Variants in PARK7 observed in about 807,000 individuals in gnomAD.
PARK7 encodes the protein Parkinson disease protein 7.
In PARK7, 14 loss-of-function variants were observed where a neutral mutation model predicts 20.5. The ratio of observed to expected loss-of-function variants is 0.68; its 90% CI spans 0.45 to 1.07. The LOEUF (loss-of-function observed/expected upper bound fraction) is 1.07, where lower values mean the gene tolerates loss of function less well. Ranked by LOEUF, PARK7 falls within the 50% of genes least tolerant of loss-of-function variation. PARK7 has a pLI of 0.00. For synonymous variants in PARK7, 98 were observed against 84.3 expected (o/e 1.16, Z -0.89); for missense variants, 234 against 238.1 (o/e 0.98, Z 0.11).
chr1:7,982,533 T>C (rs1640733953), intron 6 of PARK7, among the ~76,000 whole-genome samples: 2 of 152,146 alleles, frequency 1.3e-5, no homozygotes, highest in Admixed American at 1.3e-4. Flanking sequence ...TGGTTAAAAG[T>C]CTGACAAGAA....
intron 4 of PARK7, among the ~76,000 whole-genome samples, chr1:7,970,435 A>G (rs1035324823): frequency 6.6e-6 from 1 of 152,142 alleles, no homozygotes; most frequent in African/African-American, 2.4e-5. Context: ...ATTGTTCCTC[A>G]TTTTAAGTCG....
chr1:7,969,926 C>T (rs1308175403), intron 4 of PARK7, among the ~76,000 whole-genome samples: 10 of 152,160 alleles, frequency 6.6e-5, no homozygotes, highest in Admixed American at 6.5e-4. Flanking sequence ...TGCAGTGGCT[C>T]AACGTCTATA....
chr1:7,984,096 G>C lies in PARK7; in HGVS notation c.410-798G>C, dbSNP rs76704315. The stretch of plus-strand genomic sequence containing the variant: ...GTTGATGCTGAAACTGAAGGAGCAA[G>C]GAACTGGAAAGAGCTGGTCTCTGGG... On this transcript the variant is annotated intron_variant, in intron 6 of 6. Coordinates refer to ENST00000338639, the MANE Select transcript of PARK7 (RefSeq NM_007262.5). The surrounding 1 kb of genome is among the most constrained non-coding windows in gnomAD (Gnocchi z 4.3). Among the ~76,000 whole-genome samples the C allele has an allele frequency of 2.7e-3, 408 of 152,300 alleles. 3 individuals are homozygous for C. The highest frequency in any genetic ancestry group is 9.3e-3 in the African/African-American group (388 of 41,554).
intron 3 of PARK7, among the ~76,000 whole-genome samples, chr1:7,966,959 A>G (rs1201992982): frequency 1.3e-5 from 2 of 152,202 alleles, no homozygotes; most frequent in African/African-American, 4.8e-5. Flanking sequence ...TTGAAACTAT[A>G]TATGATTGTT....
chr1:7,962,725 A>G (rs1024784869), intron 1 of PARK7, 38 bp from the exon 2 acceptor site: 22 of 1,414,986 alleles, frequency 1.6e-5, no homozygotes, highest in East Asian at 9.4e-5. Context: ...GGTTGCAATG[A>G]AAGTTTTTTG....
chr1:7,981,667 T>G (rs1016965305), intron 6 of PARK7, among the ~76,000 whole-genome samples: 7 of 150,914 alleles, frequency 4.6e-5, no homozygotes, highest in African/African-American at 1.2e-4. Flanking sequence ...TTTGTTTTTT[T>G]TTTTTTTTTG....
chr1:7,969,151 T>G, intron 3 of PARK7, 194 bp from the exon 4 acceptor site: 1 of 560,850 alleles, frequency 1.8e-6, no homozygotes, highest in Non-Finnish European at 3.2e-6. Context: ...ACATACAGGT[T>G]TTCTGCATTT....
rs543255017 is a variant in PARK7 at position 7,964,300 on chromosome 1, G to T, written c.91-1024G>T. Among the ~76,000 whole-genome samples the T allele has an allele frequency of 8.5e-5, 13 of 152,242 alleles. No individual in the cohort carries two copies. The South Asian group carries it at 2.7e-3, about 32-fold the overall frequency. Reference sequence around the variant, plus strand: ...TAGATATCACCATCCTCATTTTACAGTTGAAGAAACTGAGGCACAGAGACA... The same window carrying T: ...TAGATATCACCATCCTCATTTTACATTTGAAGAAACTGAGGCACAGAGACA... On this transcript the variant is annotated intron_variant, in intron 2 of 6. Coordinates refer to ENST00000338639, the MANE Select transcript of PARK7 (RefSeq NM_007262.5).
At position 7,980,160 on chromosome 1, in the gene PARK7, C is replaced by CAAA. The variant is rs34615529; in HGVS notation, c.409+2437_409+2439dup. Among the ~76,000 whole-genome samples the CAAA allele has an allele frequency of 8.8e-5, 11 of 125,094 alleles. No homozygotes were observed. The East Asian group carries it at 9.4e-4, about 11-fold the overall frequency. 82.1% of individuals were successfully genotyped at this position (125,094 alleles called of 152,430 possible). The stretch of plus-strand genomic sequence containing the variant: ...TGGGCAACAGAGTGAGACTCCATCT[C>CAAA]AAAAAAAAAAAAAAAAATTGGTACT... On this transcript the variant is annotated intron_variant, in intron 6 of 6. Coordinates refer to ENST00000338639, the MANE Select transcript of PARK7 (RefSeq NM_007262.5).
intron 2 of PARK7, among the ~76,000 whole-genome samples, chr1:7,963,873 G>T (rs1640267907): frequency 6.7e-6 from 1 of 149,904 alleles, no homozygotes. Context: ...CTGGAGTGCA[G>T]TGGTGTGACC....
chr1:7,977,847 C>T (rs1234644526), intron 6 of PARK7, 109 bp downstream of exon 6: 15 of 909,112 alleles, frequency 1.6e-5, no homozygotes, highest in Non-Finnish European at 2.5e-5. Flanking sequence ...GCAATCCCTG[C>T]CTCCCGGGTT....
At position 7,983,869 on chromosome 1, in the gene PARK7, A is replaced by T. The variant is rs79040571; in HGVS notation, c.410-1025A>T. 1.4e-4 allele frequency among the ~76,000 whole-genome samples: 21 copies of T among 152,334 alleles called. No homozygotes were observed. In the East Asian group the frequency reaches 3.9e-3, roughly 28 times the overall value. ...CAGGGGTGCCTCCTGTGTGCCATGG[A>T]TATCATTGGCCAGACAGGGACTGAT... On this transcript the variant is annotated intron_variant, in intron 6 of 6. Transcript: ENST00000338639.
chr1:7,980,421 A>G (rs1373412316), intron 6 of PARK7, among the ~76,000 whole-genome samples: 1 of 152,050 alleles, frequency 6.6e-6, no homozygotes, highest in Non-Finnish European at 1.5e-5. Flanking sequence ...AGGCATAGAA[A>G]AAGATCAGAT....
At position 7,977,677 on chromosome 1, in the gene PARK7, A is replaced by C; in HGVS notation, c.348A>C (p.Glu116Asp). 1 of 1,614,116 alleles carries C rather than the reference A, an allele frequency of 6.2e-7. No individual in the cohort carries two copies. The highest frequency in any genetic ancestry group is 1.6e-4 in the Middle Eastern group (1 of 6,062). ...GTCCTACTGCTCTGTTGGCTCATGA[A>C]ATAGGTTTTGGAAGTAAAGTTACAA... The part of the protein sequence containing the change: ...CAGPTALLAH[E>D]IGFGSKVTTH... The change falls in exon 6 of 7, where the codon GAA (glutamate) becomes GAC (aspartate). Residue 116 changes from glutamate to aspartate, a missense_variant. Glu to Asp is a conservative substitution (Grantham distance 45). Coordinates refer to ENST00000338639, the MANE Select transcript of PARK7 (RefSeq NM_007262.5).
chr1:7,963,798 T>C (rs1640264706), intron 2 of PARK7, among the ~76,000 whole-genome samples: 1 of 150,260 alleles, frequency 6.7e-6, no homozygotes, highest in Non-Finnish European at 1.5e-5. Flanking sequence ...CTCGCACTCT[T>C]GTGTATCCAT....
chr1:7,967,382 T>G (rs1010356500), intron 3 of PARK7, among the ~76,000 whole-genome samples: 1 of 152,054 alleles, frequency 6.6e-6, no homozygotes, highest in African/African-American at 2.4e-5. Flanking sequence ...AACAAGGGAG[T>G]GCAGGTGTCT....
chr1:7,975,192 A>G (rs1640552624), intron 5 of PARK7, among the ~76,000 whole-genome samples: 1 of 152,182 alleles, frequency 6.6e-6, no homozygotes, highest in African/African-American at 2.4e-5. Context: ...GATTGGAAAC[A>G]TTTTGAACAC....
At chr1:7,971,201 T>C in intron 5 of PARK7, 1 of 567,396 alleles carries the variant, frequency 1.8e-6, no homozygotes, top group South Asian at 1.9e-5. Flanking sequence ...TTTCCGTGTT[T>C]GGTTGACCTC....
At position 7,969,227 on chromosome 1, in the gene PARK7, A is replaced by G. The variant is rs1019728001; in HGVS notation, c.193-118A>G. 38 of 771,000 alleles carry G rather than the reference A, an allele frequency of 4.9e-5. No individual in the cohort carries two copies. The South Asian group carries it at 5.2e-4, about 11-fold the overall frequency. 47.8% of individuals were successfully genotyped at this position (771,000 alleles called of 1,614,324 possible). On this transcript the variant is annotated intron_variant, in intron 3 of 6. Coordinates refer to ENST00000338639, the MANE Select transcript of PARK7 (RefSeq NM_007262.5). ...TAATTTATTTAACTGTTCTATTGGC[A>G]GATAGGCTATCTCCTGTACTTCCCA...
Sources: allele counts gnomAD v4.1 joint callset (sites outside exome capture counted in the v4.1 genomes callset), GRCh38; gene constraint gnomAD v4.1.1; non-coding constraint Gnocchi (gnomAD v3.1); transcripts MANE v1.5; gene names NCBI Gene and HGNC (gene_info 2026-07-23, HGNC 2026-07-21).